The following CFH variants were observed in gnomAD, a reference collection of about 807,000 sequenced individuals.
CFH encodes the protein complement factor H.
Under a neutral mutation model 147.3 loss-of-function variants are expected in CFH, and 53 were observed. That is an observed-to-expected ratio of 0.36 (90% CI 0.29 to 0.45). CFH has a LOEUF of 0.45. Ranked by LOEUF, CFH falls within the 20% of genes least tolerant of loss-of-function variation. The probability of loss-of-function intolerance (pLI) is 1.00; values close to 1 mark genes in which losing one functional copy is unlikely to be tolerated. For synonymous variants in CFH, 536 were observed against 489.4 expected, an observed-to-expected ratio of 1.10 and a Z score of -1.26; for missense variants, 1,380 against 1,498.0, an observed-to-expected ratio of 0.92 and a Z score of 1.30.
chr1:196,680,766 A>G (rs1042331661), intron 6 of CFH, among the ~76,000 whole-genome samples: 12 of 151,852 alleles, frequency 7.9e-5, no homozygotes, highest in African/African-American at 1.2e-4. Context: ...TCATAAATAC[A>G]TGTTTAAACT....
In CFH at chr1:196,673,026, C is replaced by T. The variant is rs1424121446; in HGVS notation, c.107C>T (p.Ser36Phe). The change falls in exon 2 of 22, where the codon TCC (serine) becomes TTC (phenylalanine). Residue 36 changes from serine to phenylalanine, a missense_variant. Physicochemically the swap from Ser to Phe is radical, Grantham distance 155 (BLOSUM62 -2). Coordinates refer to ENST00000367429, the MANE Select transcript of CFH (RefSeq NM_000186.4). ...PRRNTEILTG[S>F]WSDQTYPEGT... ...AGAAATACAGAAATTCTGACAGGTT[C>T]CTGGTCTGACCAAACATATCCAGAA... 7.4e-6 allele frequency: 12 copies of T among 1,614,000 alleles called. No homozygotes were observed. Among genetic ancestry groups the T allele is most frequent in the Non-Finnish European group, 1.0e-5 (12 of 1,179,958 alleles).
intron 17 of CFH, 97 bp from the exon 18 acceptor site, chr1:196,740,522 A>G: frequency 1.7e-6 from 2 of 1,193,240 alleles, no homozygotes; most frequent in Non-Finnish European, 2.4e-6. Flanking sequence ...TAGCTCCTGT[A>G]TTGTTTATTT....
At chr1:196,729,121 G>C (rs772601183) in intron 15 of CFH, among the ~76,000 whole-genome samples, 2 of 151,872 alleles carry the variant, frequency 1.3e-5, no homozygotes, top group Non-Finnish European at 2.9e-5. Context: ...CTATCCAATT[G>C]TGGGTTTCCT....
chr1:196,722,978 G>A (rs1669036989), intron 11 of CFH, among the ~76,000 whole-genome samples: 1 of 151,284 alleles, frequency 6.6e-6, no homozygotes, highest in South Asian at 2.1e-4. Context: ...CATATCCTGA[G>A]TTTTTTTTCT....
chr1:196,677,606 A>T lies in CFH; in HGVS notation c.558A>T (p.Gly186=), dbSNP rs752610166. 64 of 1,613,212 alleles carry T rather than the reference A, an allele frequency of 4.0e-5. No individual in the cohort carries two copies. Among genetic ancestry groups the T allele is most frequent in the Non-Finnish European group, 5.2e-5 (61 of 1,179,466 alleles). Residue 186 remains glycine (G), a synonymous_variant, in exon 5 of 22, where the codon GGA becomes GGT. Coordinates refer to ENST00000367429, the MANE Select transcript of CFH (RefSeq NM_000186.4). Reference sequence around the variant, plus strand: ...GTAACTCAGGCTACAAGATTGAAGGAGATGAAGAAATGCATTGTTCAGACG... The same window carrying T: ...GTAACTCAGGCTACAAGATTGAAGGTGATGAAGAAATGCATTGTTCAGACG... ...FVCNSGYKIE[G]DEEMHCSDDG...
intron 11 of CFH, among the ~76,000 whole-genome samples, chr1:196,723,619 C>T (rs972359763): frequency 2.6e-5 from 4 of 151,966 alleles, no homozygotes; most frequent in African/African-American, 9.7e-5. Context: ...TCTCTGTTGC[C>T]CCAAGGAATG....
At chr1:196,739,344 T>A (rs1013316369) in intron 17 of CFH, among the ~76,000 whole-genome samples, 1 of 152,220 alleles carries the variant, frequency 6.6e-6, no homozygotes, top group Non-Finnish European at 1.5e-5. Flanking sequence ...TTCTATTGCA[T>A]TTACAAGCTG....
At chr1:196,684,823 TG>T (rs1667769703) in intron 6 of CFH, among the ~76,000 whole-genome samples, 1 of 151,954 alleles carries the variant, frequency 6.6e-6, no homozygotes. Flanking sequence ...TCATGAAGTA[TG>T]GGATGACTTT....
At chr1:196,692,800 TTC>T (rs1373736575) in intron 9 of CFH, among the ~76,000 whole-genome samples, 114 of 83,044 alleles carry the variant, frequency 1.4e-3, no homozygotes, top group South Asian at 3.2e-3. Flanking sequence ...CTTTCTTTCT[TTC>T]TTTCTTTCTT....
Position 196,714,022 on chromosome 1 carries a change from GA to G in CFH, c.1519+114del, listed in dbSNP as rs56364159. The G allele has an allele frequency of 1.6e-3, 1,601 of 1,026,690 alleles. 5 individuals are homozygous for G. The highest frequency in any genetic ancestry group is 6.1e-3 in the Admixed American group (246 of 40,538). The allele number at this position is 1,026,690 out of a possible 1,614,324, so 63.6% of individuals were successfully genotyped here. A position where few individuals can be genotyped will look rare whatever the true frequency, so the allele number is the denominator to read the frequency against. ...GATATAATTTCATTTGAAAAGATAAGAAAAAAAAACCTGCAGGAACAAAGCA... is the reference window on the plus strand; with the variant it reads ...GATATAATTTCATTTGAAAAGATAAGAAAAAAAACCTGCAGGAACAAAGCA... On this transcript the variant is annotated intron_variant, in intron 10 of 21. Coordinates refer to ENST00000367429, the MANE Select transcript of CFH (RefSeq NM_000186.4).
chr1:196,661,648 C>T (rs928866020), intron 1 of CFH, among the ~76,000 whole-genome samples: 1 of 152,176 alleles, frequency 6.6e-6, no homozygotes, highest in Non-Finnish European at 1.5e-5. Context: ...GTCCCCACCT[C>T]CTAATACTAT....
intron 3 of CFH, among the ~76,000 whole-genome samples, chr1:196,674,339 A>T (rs1667384945): frequency 6.6e-6 from 1 of 152,190 alleles, no homozygotes; most frequent in African/African-American, 2.4e-5. Flanking sequence ...AACTGTTTTG[A>T]CAGGTTTTAT....
chr1:196,710,418 T>C (rs1322696754), intron 9 of CFH, among the ~76,000 whole-genome samples: 1 of 152,208 alleles, frequency 6.6e-6, no homozygotes, highest in Non-Finnish European at 1.5e-5. Context: ...GATCCATGCA[T>C]GTGAGTCTAT....
intron 12 of CFH, 110 bp from the exon 13 acceptor site, chr1:196,726,360 T>C (rs1476275922): frequency 2.4e-5 from 20 of 824,458 alleles, no homozygotes; most frequent in Non-Finnish European, 3.6e-5. Flanking sequence ...TATAATAAGT[T>C]ACATAATGAA....
chr1:196,683,579 T>C (rs550574865), intron 6 of CFH, among the ~76,000 whole-genome samples: 2 of 151,850 alleles, frequency 1.3e-5, no homozygotes, highest in African/African-American at 4.8e-5. Flanking sequence ...TTGGAAAAGC[T>C]TCCATATCAA....
rs761008984 is a variant in CFH, at chr1:196,690,143, G to A, written c.1240G>A (p.Val414Ile). The change falls in exon 9 of 22, where the codon GTT (valine) becomes ATT (isoleucine). Residue 414 changes from valine to isoleucine, a missense_variant. Val to Ile is a conservative substitution (Grantham distance 29, BLOSUM62 3). Around this residue, in one of 4 missense-constraint regions of CFH, gnomAD observed 830 missense variants for 821.4 expected, o/e 1.01. Transcript: ENST00000367429. Reference sequence around the variant, plus strand: ...GTTTGTACAGGGTAAATCTATAGACGTTGCCTGCCATCCTGGCTACGCTCT... The same window carrying A: ...GTTTGTACAGGGTAAATCTATAGACATTGCCTGCCATCCTGGCTACGCTCT... ...RKFVQGKSID[V>I]ACHPGYALPK... The A allele has an allele frequency of 1.7e-5, 27 of 1,613,056 alleles. No individual in the cohort carries two copies. The highest frequency in any genetic ancestry group is 2.3e-5 in the Non-Finnish European group (27 of 1,179,502).
intron 1 of CFH, among the ~76,000 whole-genome samples, chr1:196,672,579 G>T (rs1353745229): frequency 1.3e-5 from 2 of 152,172 alleles, no homozygotes; most frequent in Non-Finnish European, 2.9e-5. Context: ...TTTGAGAACA[G>T]ATAGTTTGTT....
chr1:196,666,590 AGATT>A (rs944979942), intron 1 of CFH, among the ~76,000 whole-genome samples: 1 of 151,628 alleles, frequency 6.6e-6, no homozygotes, highest in African/African-American at 2.4e-5. Context: ...CGAGGTCAGG[AGATT>A]GAGACCATCC....
chr1:196,693,930 C>G (rs183625239), intron 9 of CFH, among the ~76,000 whole-genome samples: 1 of 149,270 alleles, frequency 6.7e-6, no homozygotes, highest in Admixed American at 6.7e-5. Flanking sequence ...GGATACATAT[C>G]TAAGACTGGG....
Sources: allele counts gnomAD v4.1 joint callset (sites outside exome capture counted in the v4.1 genomes callset), GRCh38; gene constraint gnomAD v4.1.1; regional missense constraint gnomAD v4.1.1; transcripts MANE v1.5; gene names NCBI Gene and HGNC (gene_info 2026-07-23, HGNC 2026-07-21).